Variants in TNXB observed in about 807,000 individuals in gnomAD.
TNXB encodes tenascin XB.
A neutral mutation model predicts 340.5 loss-of-function variants in TNXB; 183 were observed. The observed-to-expected ratio is 0.54, with a 90% confidence interval of 0.48 to 0.61. The LOEUF is 0.61. Ranked by LOEUF, TNXB falls within the 20% of genes least tolerant of loss-of-function variation. The probability of loss-of-function intolerance (pLI) is 0.00; values close to 1 mark genes in which losing one functional copy is unlikely to be tolerated. For synonymous variants in TNXB, 2,121 were observed against 2,314.5 expected (o/e 0.92, Z 2.40); for missense variants, 4,613 against 5,446.4 (o/e 0.85, Z 4.82).
Position 32,056,895 on chromosome 6 carries a change from C to T in TNXB, c.7834G>A (p.Ala2612Thr). The T allele has an allele frequency of 6.2e-7, 1 of 1,611,134 alleles. No individual in the cohort carries two copies. Among genetic ancestry groups the T allele is most frequent in the Non-Finnish European group, 8.5e-7 (1 of 1,178,430 alleles). ...VSAVGVTEDE[A>T]ETTQAVPTMT... ...GTAGGCACTGCTTGGGTGGTCTCGG[C>T]TTCATCCTCTGGAGTTGGACAGACA... The change falls in exon 23 of 44, where the codon GCC (alanine) becomes ACC (threonine). Residue 2612 changes from alanine (A) to threonine (T), a missense_variant. Physicochemically the swap from Ala to Thr is moderately conservative, Grantham distance 58. Transcript: ENST00000644971.
rs1777005350 is a variant in TNXB, at chr6:32,047,979, T to A, written c.10079A>T (p.Glu3360Val). The change falls in exon 30 of 44, where the codon GAG becomes GTG. Residue 3360 changes from glutamate to valine, a missense_variant. Physicochemically the swap from Glu to Val is moderately radical, Grantham distance 121 (BLOSUM62 -2). Transcript: ENST00000644971. The surrounding 1 kb of genome is among the most constrained non-coding windows in gnomAD (Gnocchi z 6.2). ...PDTKPSPRLG[E>V]LTVTDATPDS... Reference sequence around the variant, plus strand: ...AGGGGTCGCATCTGTCACAGTCAGCTCCCCCAGGCGGGGAGACGGTTTGGT... The same window carrying A: ...AGGGGTCGCATCTGTCACAGTCAGCACCCCCAGGCGGGGAGACGGTTTGGT... 1 of 1,609,248 alleles carries A rather than the reference T, an allele frequency of 6.2e-7. No individual in the cohort carries two copies. Among genetic ancestry groups the A allele is most frequent in the East Asian group, 2.2e-5 (1 of 44,836 alleles).
rs1023468366 is a variant in TNXB, at chr6:32,061,340, T to A, written c.7492+57A>T. 2.5e-6 allele frequency: 4 copies of A among 1,585,836 alleles called. No individual in the cohort carries two copies. Among genetic ancestry groups the A allele is most frequent in the Non-Finnish European group, 3.4e-6 (4 of 1,164,726 alleles). ...AGGGCTTGGTGAAAGGGCACAGCAG[T>A]AAACCAGGTACCCATGAGGGAAAGG... On this transcript the variant is annotated intron_variant, in intron 21 of 43. Transcript: ENST00000644971. The surrounding 1 kb of genome is among the most constrained non-coding windows in gnomAD (Gnocchi z 4.4).
rs560280924 is a variant in TNXB at position 32,084,959 on chromosome 6, C to T, written c.3149-250G>A. Among the ~76,000 whole-genome samples the T allele has an allele frequency of 3.9e-5, 6 of 152,254 alleles. No homozygotes were observed. The highest frequency in any genetic ancestry group is 2.0e-4 in the Admixed American group (3 of 15,290). On this transcript the variant is annotated intron_variant, in intron 7 of 43. Coordinates refer to ENST00000644971, the MANE Select transcript of TNXB (RefSeq NM_001365276.2). This position sits in a 1 kb window ranked among gnomAD's most constrained non-coding sequence, Gnocchi z 5.5. ...GTCTCTCTGCACACCAGGATCTTTG[C>T]GGGGGTTTCAGGTCCCCCTGGTTCT...
rs1026372628 is a variant in TNXB, at chr6:32,085,105, G to C, written c.3149-396C>G. On this transcript the variant is annotated intron_variant, in intron 7 of 43. Coordinates refer to ENST00000644971, the MANE Select transcript of TNXB (RefSeq NM_001365276.2). The surrounding 1 kb of genome is among the most constrained non-coding windows in gnomAD (Gnocchi z 6.4). ...CAGTGGTGAGCTTGACCTGGAGCTGGGGGATGAGTCAGCCACCCTGGTCCC... is the reference window on the plus strand; with the variant it reads ...CAGTGGTGAGCTTGACCTGGAGCTGCGGGATGAGTCAGCCACCCTGGTCCC... 3.3e-5 allele frequency among the ~76,000 whole-genome samples: 5 copies of C among 152,114 alleles called. No individual in the cohort carries two copies. Among genetic ancestry groups the C allele is most frequent in the Non-Finnish European group, 2.9e-5 (2 of 68,024 alleles).
rs1372411186 is a variant in TNXB, at chr6:32,108,344, G to A, written c.-9+837C>T. On this transcript the variant is annotated intron_variant, in intron 1 of 43. Coordinates refer to ENST00000644971, the MANE Select transcript of TNXB (RefSeq NM_001365276.2). This position sits in a 1 kb window ranked among gnomAD's most constrained non-coding sequence, Gnocchi z 4.8. The stretch of plus-strand genomic sequence containing the variant: ...CCTTCCCACCCGGGGCGTGTCACGT[G>A]TACTGGTGGTGGGGGGCGGGGGCGG... 6.6e-6 allele frequency among the ~76,000 whole-genome samples: 1 copy of A among 152,254 alleles called. No homozygotes were observed. Among genetic ancestry groups the A allele is most frequent in the East Asian group, 1.9e-4 (1 of 5,178 alleles).
chr6:32,076,760 T>C (rs1028788140), intron 11 of TNXB, among the ~76,000 whole-genome samples: 2 of 152,144 alleles, frequency 1.3e-5, no homozygotes, highest in Non-Finnish European at 1.5e-5. Flanking sequence ...GGCGGGTGGA[T>C]CATCTGAGGT....
At chr6:32,093,695 G>C (rs1204642346) in intron 4 of TNXB, among the ~76,000 whole-genome samples, 3 of 152,134 alleles carry the variant, frequency 2.0e-5, no homozygotes, top group Non-Finnish European at 1.5e-5. Context: ...TTTGCAGCTG[G>C]GGAAACGACC....
rs565876364 is a variant in TNXB at position 32,108,895 on chromosome 6, G to A, written c.-9+286C>T. Among the ~76,000 whole-genome samples, 9 of 152,112 alleles carry A rather than the reference G, an allele frequency of 5.9e-5. No individual in the cohort carries two copies. Among genetic ancestry groups the A allele is most frequent in the South Asian group, 2.1e-4 (1 of 4,818 alleles). ...ACCCTGGTTCCACCATCTGACTCCCGGAGTCCCTCGGTTTGTTCCCAGCCC... is the reference window on the plus strand; with the variant it reads ...ACCCTGGTTCCACCATCTGACTCCCAGAGTCCCTCGGTTTGTTCCCAGCCC... On this transcript the variant is annotated intron_variant, in intron 1 of 43. Transcript: ENST00000644971. The surrounding 1 kb of genome is among the most constrained non-coding windows in gnomAD (Gnocchi z 4.8).
Position 32,073,980 on chromosome 6 carries a change from A to G in TNXB, c.4376-28T>C, listed in dbSNP as rs752254081. On this transcript the variant is annotated intron_variant, in intron 11 of 43. Transcript: ENST00000644971. The surrounding 1 kb of genome is among the most constrained non-coding windows in gnomAD (Gnocchi z 4.6). ...GGGACAGAGATGGTAGGGGGCTGTT[A>G]GTAAAGAATCCCCCTTTTCTTATAG... 6.6e-7 allele frequency: 1 copy of G among 1,525,840 alleles called. No individual in the cohort carries two copies. The highest frequency in any genetic ancestry group is 1.2e-5 in the South Asian group (1 of 81,218). The allele number at this position is 1,525,840 out of a possible 1,614,324, so 94.5% of individuals were successfully genotyped here.
At position 32,061,489 on chromosome 6, in the gene TNXB, C is replaced by T; in HGVS notation, c.7400G>A (p.Gly2467Glu). The part of the protein sequence containing the change: ...VGGEESEVTV[G>E]GLEPGRKYKM... ...GTATTTGCGCCCAGGCTCCAGGCCC[C>T]CCACGGTGACCTCGCTCTCCTCGCC... Residue 2467 changes from glycine to glutamate, a missense_variant, in exon 21 of 44, where the codon GGG becomes GAG. Physicochemically the swap from Gly to Glu is moderately conservative, Grantham distance 98. This residue lies in a region of TNXB where 4,327 missense variants were observed against 4,859.4 expected (regional missense o/e 0.89). Transcript: ENST00000644971. The surrounding 1 kb of genome is among the most constrained non-coding windows in gnomAD (Gnocchi z 4.4). The T allele has an allele frequency of 6.2e-7, 1 of 1,613,554 alleles. No individual in the cohort carries two copies. The highest frequency in any genetic ancestry group is 8.5e-7 in the Non-Finnish European group (1 of 1,179,858).
rs763630327 is a variant in TNXB at position 32,041,360 on chromosome 6, C to G, written c.12724G>C (p.Gly4242Arg). The G allele has an allele frequency of 1.0e-6, 1 of 975,608 alleles. No individual in the cohort carries two copies. The highest frequency in any genetic ancestry group is 1.6e-6 in the Non-Finnish European group (1 of 624,214). 60.4% of individuals were successfully genotyped at this position (975,608 alleles called of 1,614,324 possible). A position where few individuals can be genotyped will look rare whatever the true frequency, so the allele number is the denominator to read the frequency against. The stretch of plus-strand genomic sequence containing the variant: ...AGGTGGGCAGCAGCTCAGCCTCCCC[C>G]CGCTGGGGAGCGAAAGTTTCTTGGT... ...LRPRNFRSPA[G>R]GG The change falls in exon 44 of 44, where the codon GGG (glycine) becomes CGG (arginine). Residue 4242 changes from glycine to arginine, a missense_variant. Physicochemically the swap from Gly to Arg is moderately radical, Grantham distance 125. This residue lies in a region of TNXB where 18 missense variants were observed against 60.7 expected (regional missense o/e 0.30). Transcript: ENST00000644971.
At position 32,083,817 on chromosome 6, in the gene TNXB, C is replaced by T. The variant is rs781672864; in HGVS notation, c.3445+596G>A. Among the ~76,000 whole-genome samples the T allele has an allele frequency of 2.0e-5, 3 of 152,094 alleles. No homozygotes were observed. Among genetic ancestry groups the T allele is most frequent in the Non-Finnish European group, 2.9e-5 (2 of 68,004 alleles). ...CTGGGACTACAGGCACGCACCACCACGCCTGGCTAATATCTTTTGTTATAG... is the reference window on the plus strand; with the variant it reads ...CTGGGACTACAGGCACGCACCACCATGCCTGGCTAATATCTTTTGTTATAG... On this transcript the variant is annotated intron_variant, in intron 8 of 43. Transcript: ENST00000644971. This position sits in a 1 kb window ranked among gnomAD's most constrained non-coding sequence, Gnocchi z 4.6.
chr6:32,095,671 C>T lies in TNXB; in HGVS notation c.2182G>A (p.Glu728Lys). The T allele has an allele frequency of 6.2e-7, 1 of 1,614,082 alleles. No individual in the cohort carries two copies. Among genetic ancestry groups the T allele is most frequent in the Non-Finnish European group, 8.5e-7 (1 of 1,179,902 alleles). Reference protein sequence around the residue: ...TCPGDCRGRGECHDGSCVCKD... With the variant: ...TCPGDCRGRGKCHDGSCVCKD... Reference sequence around the variant, plus strand: ...CAGACACAGCTGCCATCGTGACACTCTCCTCGGCCACGGCAGTCCCCTGGG... The same window carrying T: ...CAGACACAGCTGCCATCGTGACACTTTCCTCGGCCACGGCAGTCCCCTGGG... The change falls in exon 3 of 44, where the codon GAG becomes AAG. Residue 728 changes from glutamate to lysine, a missense_variant. Physicochemically the swap from Glu to Lys is moderately conservative, Grantham distance 56. Coordinates refer to ENST00000644971, the MANE Select transcript of TNXB (RefSeq NM_001365276.2).
At chr6:32,105,360 T>C (rs1446476009) in intron 1 of TNXB, among the ~76,000 whole-genome samples, 3 of 152,218 alleles carry the variant, frequency 2.0e-5, no homozygotes, top group Non-Finnish European at 4.4e-5. Flanking sequence ...TATAACAATT[T>C]GCAATCATAT....
Position 32,096,537 on chromosome 6 carries a change from C to CA in TNXB, c.1315dup (p.Cys439LeufsTer2). 2 of 1,590,546 alleles carry CA rather than the reference C, an allele frequency of 1.3e-6. No homozygotes were observed. The highest frequency in any genetic ancestry group is 1.1e-5 in the South Asian group (1 of 88,588). ...GTTCTCGCAGCGCCCGCGACCTCTACAGTCGCGTGGGCAGGCGCGCGAGCC... is the reference window on the plus strand; with the variant it reads ...GTTCTCGCAGCGCCCGCGACCTCTACAAGTCGCGTGGGCAGGCGCGCGAGCC... On this transcript the variant is annotated frameshift_variant, in exon 3 of 44. Coordinates refer to ENST00000644971, the MANE Select transcript of TNXB (RefSeq NM_001365276.2). LOFTEE classifies it high-confidence loss of function.
In TNXB at chr6:32,090,069, C is replaced by T. The variant is rs1228458367; in HGVS notation, c.2359-690G>A. Among the ~76,000 whole-genome samples, 1 of 152,184 alleles carries T rather than the reference C, an allele frequency of 6.6e-6. No individual in the cohort carries two copies. Among genetic ancestry groups the T allele is most frequent in the Non-Finnish European group, 1.5e-5 (1 of 68,044 alleles). On this transcript the variant is annotated intron_variant, in intron 4 of 43. Coordinates refer to ENST00000644971, the MANE Select transcript of TNXB (RefSeq NM_001365276.2). The surrounding 1 kb of genome is among the most constrained non-coding windows in gnomAD (Gnocchi z 4.3). ...GAGGGACTTTTCTTGTCTCTTCACC[C>T]GGGTTGTAGGCTCCTCAAAACAAGA...
intron 1 of TNXB, among the ~76,000 whole-genome samples, chr6:32,103,791 C>T (rs1403942267): frequency 6.9e-6 from 1 of 144,712 alleles, no homozygotes; most frequent in African/African-American, 2.6e-5. Flanking sequence ...AGTGCAGTGG[C>T]ACGATCTTGG....
At position 32,097,890 on chromosome 6, in the gene TNXB, C is replaced by T; in HGVS notation, c.309G>A (p.Leu103=). Residue 103 remains leucine, a synonymous_variant, in exon 2 of 44, where the codon CTG becomes CTA. Transcript: ENST00000644971. This position sits in a 1 kb window ranked among gnomAD's most constrained non-coding sequence, Gnocchi z 5.9. ...CCTCCAGGATCTCTAGACGGACCCT[C>T]AGGGCCTGTACCTCTGAAGCAAGGA... is the stretch of plus-strand genomic sequence containing the variant. ...PPVLASEVQA[L]RVRLEILEEL... The T allele has an allele frequency of 1.3e-6, 2 of 1,578,530 alleles. No homozygotes were observed. The highest frequency in any genetic ancestry group is 1.7e-6 in the Non-Finnish European group (2 of 1,155,942).
rs764769924 is a variant in TNXB at position 32,087,361 on chromosome 6, G to C, written c.2780-1243C>G. Reference sequence around the variant, plus strand: ...GAGGTCGGGCAGGCTGACGGTGCGCGTGGTGCCCGGCACAGTCAGCTCACC... The same window carrying C: ...GAGGTCGGGCAGGCTGACGGTGCGCCTGGTGCCCGGCACAGTCAGCTCACC... On this transcript the variant is annotated intron_variant, in intron 6 of 43. Transcript: ENST00000644971. This position sits in a 1 kb window ranked among gnomAD's most constrained non-coding sequence, Gnocchi z 9.0. 6.3e-6 allele frequency: 3 copies of C among 477,552 alleles called. No homozygotes were observed. Among genetic ancestry groups the C allele is most frequent in the African/African-American group, 5.9e-5 (3 of 50,974 alleles). 29.6% of individuals were successfully genotyped at this position (477,552 alleles called of 1,614,324 possible). A position where few individuals can be genotyped will look rare whatever the true frequency, so the allele number is the denominator to read the frequency against.
Sources: gnomAD v4.1 joint callset for allele counts (sites outside exome capture counted in the v4.1 genomes callset) on GRCh38, gnomAD v4.1.1 for gene constraint, gnomAD v4.1.1 regional missense constraint, Gnocchi (gnomAD v3.1) non-coding constraint, MANE v1.5 for transcripts, NCBI Gene and HGNC (gene_info 2026-07-23, HGNC 2026-07-21) for gene names.